NTM: variants seen among roughly 807,000 people sequenced by gnomAD.
NTM encodes the protein IgLON family member 2.
A neutral mutation model predicts 42.1 loss-of-function variants in NTM; 13 were observed. The ratio of observed to expected loss-of-function variants is 0.31; its 90% confidence interval spans 0.20 to 0.49. The LOEUF (loss-of-function observed/expected upper bound fraction) is 0.49, where lower values mean the gene tolerates loss of function less well. NTM is among the 20% of genes least tolerant of loss of function. The probability of loss-of-function intolerance (pLI) is 0.99; values close to 1 mark genes in which losing one functional copy is unlikely to be tolerated. For synonymous variants in NTM, 187 were observed against 179.2 expected (o/e 1.04, Z -0.35); for missense variants, 373 against 452.8 (o/e 0.82, Z 1.60).
chr11:131,794,433 G>A (rs2091316147), intron 1 of NTM: 1 of 975,094 alleles, frequency 1.0e-6, no homozygotes, highest in Non-Finnish European at 1.2e-6. Flanking sequence ...TTCTGTGTAA[G>A]CGAATGCTGT....
At chr11:132,268,967 C>T (rs745766013) in intron 4 of NTM, among the ~76,000 whole-genome samples, 10 of 152,084 alleles carry the variant, frequency 6.6e-5, no homozygotes, top group African/African-American at 1.9e-4. Flanking sequence ...TGGGCATAAT[C>T]GAAGGATCAT....
chr11:131,526,036 C>G (rs914722581), intron 1 of NTM, among the ~76,000 whole-genome samples: 89 of 151,834 alleles, frequency 5.9e-4, no homozygotes, highest in Admixed American at 1.6e-3. Flanking sequence ...ATCCATTGTA[C>G]CAGGCTCCCT....
At chr11:132,320,287 G>A (rs1230984865) in intron 7 of NTM, among the ~76,000 whole-genome samples, 4 of 152,352 alleles carry the variant, frequency 2.6e-5, no homozygotes, top group Admixed American at 2.6e-4. Flanking sequence ...ATTAAGGAGT[G>A]CCAGACAGTG....
chr11:132,246,466 G>A (rs117160379), intron 4 of NTM, among the ~76,000 whole-genome samples: 1 of 152,352 alleles, frequency 6.6e-6, no homozygotes, highest in East Asian at 1.9e-4. Context: ...TCACAGAGCT[G>A]AACTCCCAGT....
intron 1 of NTM, among the ~76,000 whole-genome samples, chr11:131,669,625 C>T (rs969243194): frequency 2.6e-5 from 4 of 152,190 alleles, no homozygotes; most frequent in African/African-American, 7.2e-5. Flanking sequence ...ACCGAGGCTT[C>T]CGGCTCCAGG....
At chr11:132,134,298 T>C (rs1265562697) in intron 2 of NTM, among the ~76,000 whole-genome samples, 1 of 152,114 alleles carries the variant, frequency 6.6e-6, no homozygotes, top group Non-Finnish European at 1.5e-5. Flanking sequence ...ATTCAGCTGA[T>C]CTTTTGTTTG....
intron 1 of NTM, among the ~76,000 whole-genome samples, chr11:131,403,073 C>T (rs560288311): frequency 2.0e-5 from 3 of 152,322 alleles, no homozygotes; most frequent in East Asian, 1.9e-4. Context: ...AACCAATCTG[C>T]TTACAACTTT....
chr11:132,298,528 C>A (rs73597283), intron 4 of NTM, among the ~76,000 whole-genome samples: 2,515 of 151,426 alleles, frequency 0.017, 63 homozygotes, highest in African/African-American at 0.058. Flanking sequence ...CCAGGGCCAG[C>A]CCAGCTTCTG....
At chr11:131,384,736 G>A (rs1943104311) in intron 1 of NTM, among the ~76,000 whole-genome samples, 1 of 152,194 alleles carries the variant, frequency 6.6e-6, no homozygotes, top group Non-Finnish European at 1.5e-5. Context: ...AAGAAAGACT[G>A]CTTCCATTAC....
intron 2 of NTM, among the ~76,000 whole-genome samples, chr11:132,047,894 T>C (rs1189859620): frequency 6.6e-6 from 1 of 152,222 alleles, no homozygotes. Flanking sequence ...CAAAGTTGGG[T>C]GGACGACCCG....
intron 1 of NTM, among the ~76,000 whole-genome samples, chr11:131,722,760 C>T (rs1282752476): frequency 2.0e-5 from 3 of 152,192 alleles, no homozygotes; most frequent in African/African-American, 7.2e-5. Context: ...TGGCCTGGAA[C>T]ACCAGCTCTT....
At chr11:131,922,750 A>G (rs771411248) in intron 2 of NTM, among the ~76,000 whole-genome samples, 14 of 152,122 alleles carry the variant, frequency 9.2e-5, no homozygotes, top group Non-Finnish European at 1.8e-4. Context: ...AGCCCCAGCT[A>G]CCATTTCACA....
chr11:132,241,256 G>A (rs2090139830), intron 4 of NTM, among the ~76,000 whole-genome samples: 1 of 152,136 alleles, frequency 6.6e-6, no homozygotes, highest in Non-Finnish European at 1.5e-5. Context: ...TTTGCCTTCT[G>A]TAAACTTTAA....
intron 1 of NTM, among the ~76,000 whole-genome samples, chr11:131,669,066 G>A (rs148299723): frequency 2.6e-5 from 4 of 152,250 alleles, no homozygotes; most frequent in South Asian, 4.1e-4. Flanking sequence ...GGAAAGATGC[G>A]GTAGAGTCCC....
At chr11:131,995,725 G>A (rs1200097079) in intron 2 of NTM, among the ~76,000 whole-genome samples, 9 of 152,104 alleles carry the variant, frequency 5.9e-5, no homozygotes, top group Admixed American at 3.3e-4. Context: ...CCAAGACAAC[G>A]AATGAAGCCA....
chr11:131,471,571 A>G (rs530883411), intron 1 of NTM, among the ~76,000 whole-genome samples: 3 of 152,242 alleles, frequency 2.0e-5, no homozygotes, highest in Non-Finnish European at 4.4e-5. Flanking sequence ...AATTAGTCTT[A>G]TATTTATATT....
chr11:132,200,229 G>A (rs374312385), intron 3 of NTM, among the ~76,000 whole-genome samples: 1 of 152,154 alleles, frequency 6.6e-6, no homozygotes. Flanking sequence ...CACCTCCCAG[G>A]ATTCAAGATT....
Position 131,599,406 on chromosome 11 carries a change from A to G in NTM, c.82+228518A>G, listed in dbSNP as rs577349849. Among the ~76,000 whole-genome samples, 275 of 101,578 alleles carry G rather than the reference A, an allele frequency of 2.7e-3. 31 individuals carry two copies. The highest frequency in any genetic ancestry group is 7.4e-3 in the African/African-American group (266 of 35,892). The allele number at this position is 101,578 out of a possible 152,430, so 66.6% of individuals were successfully genotyped here. A position where few individuals can be genotyped will look rare whatever the true frequency, so the allele number is the denominator to read the frequency against. On this transcript the variant is annotated intron_variant, in intron 1 of 8. Coordinates refer to ENST00000683400, the MANE Select transcript of NTM (RefSeq NM_001352005.2). ...GGCAGAGCTAGTCACATGGCCCTGT[A>G]TAACCCTATATAACCTCAAGGGGAC... is the stretch of plus-strand genomic sequence containing the variant.
intron 1 of NTM, among the ~76,000 whole-genome samples, chr11:131,797,684 C>T (rs1055601107): frequency 1.4e-4 from 22 of 152,142 alleles, no homozygotes; most frequent in African/African-American, 2.4e-5. Flanking sequence ...CAACGTAACT[C>T]CCAGGTGTCT....
Sources: allele counts gnomAD v4.1 joint callset (sites outside exome capture counted in the v4.1 genomes callset), GRCh38; gene constraint gnomAD v4.1.1; transcripts MANE v1.5; gene names NCBI Gene and HGNC (gene_info 2026-07-23, HGNC 2026-07-21).